ADARB2: variants seen among roughly 807,000 people sequenced by gnomAD.
ADARB2 encodes the protein inactive double-stranded RNA-specific editase B2.
Under a neutral mutation model 62.2 loss-of-function variants are expected in ADARB2, and 25 were observed. The observed-to-expected ratio is 0.40, with a 90% CI of 0.29 to 0.56. ADARB2 has a LOEUF of 0.56. ADARB2 is among the 20% of genes least tolerant of loss of function. The pLI is 0.43. For missense variants in ADARB2, 1,071 were observed against 1,077.4 expected (o/e 0.99, Z 0.08); for synonymous variants, 572 against 500.8 (o/e 1.14, Z -1.90).
intron 3 of ADARB2, among the ~76,000 whole-genome samples, chr10:1,274,768 CCAGTCATA>C (rs749559797): frequency 1.3e-5 from 2 of 152,212 alleles, no homozygotes; most frequent in Non-Finnish European, 2.9e-5. Flanking sequence ...AGCAACGCAA[CCAGTCATA>C]CAGCAGGGGG....
At chr10:1,345,027 C>A (rs1214612421) in intron 3 of ADARB2, among the ~76,000 whole-genome samples, 1 of 152,144 alleles carries the variant, frequency 6.6e-6, no homozygotes, top group Non-Finnish European at 1.5e-5. Flanking sequence ...CAGAAGGGCA[C>A]ATGGAGGAAA....
chr10:1,615,125 T>A (rs548478704), intron 1 of ADARB2, among the ~76,000 whole-genome samples: 9 of 152,312 alleles, frequency 5.9e-5, no homozygotes, highest in African/African-American at 2.2e-4. Context: ...ATTTTTTTGC[T>A]ATTAGAAAAT....
chr10:1,338,621 T>A (rs1442964383), intron 3 of ADARB2, among the ~76,000 whole-genome samples: 1 of 152,184 alleles, frequency 6.6e-6, no homozygotes, highest in East Asian at 1.9e-4. Context: ...ATTAGGCAAT[T>A]TCTGTCTGTT....
chr10:1,520,366 A>G (rs780721604), intron 1 of ADARB2, among the ~76,000 whole-genome samples: 7 of 152,232 alleles, frequency 4.6e-5, no homozygotes. Context: ...AGAAGCACTT[A>G]TATCTGGCTG....
chr10:1,562,982 T>G (rs1269007319), intron 1 of ADARB2, among the ~76,000 whole-genome samples: 1 of 152,258 alleles, frequency 6.6e-6, no homozygotes, highest in Non-Finnish European at 1.5e-5. Context: ...CTTCTCATGC[T>G]GAGCTCCCGC....
intron 5 of ADARB2, among the ~76,000 whole-genome samples, chr10:1,239,953 T>TCCCCTCTGCCTCCCGGTGTTC (rs1830892973): frequency 4.9e-4 from 1 of 2,032 alleles, no homozygotes; most frequent in Non-Finnish European, 8.2e-4. Context: ...TCCCGGTGTT[T>TCCCCTCTGCCTCCCGGTGTTC]ACTCCCCTCT....
intron 4 of ADARB2, among the ~76,000 whole-genome samples, chr10:1,262,884 A>G (rs989581655): frequency 4.6e-5 from 7 of 152,156 alleles, no homozygotes; most frequent in African/African-American, 1.7e-4. Flanking sequence ...ACCAAGCCAT[A>G]TGTCCAACAA....
At chr10:1,625,432 G>T (rs1833754883) in intron 1 of ADARB2, among the ~76,000 whole-genome samples, 1 of 152,252 alleles carries the variant, frequency 6.6e-6, no homozygotes, top group Admixed American at 6.5e-5. Context: ...CTTGGCGCTG[G>T]TGGGGTGTTT....
At chr10:1,375,636 C>T (rs577395430) in intron 2 of ADARB2, among the ~76,000 whole-genome samples, 1 of 152,370 alleles carries the variant, frequency 6.6e-6, no homozygotes, top group African/African-American at 2.4e-5. Flanking sequence ...CACACAGACT[C>T]ACAGGGTGTG....
At chr10:1,672,222 T>C (rs1834395216) in intron 1 of ADARB2, among the ~76,000 whole-genome samples, 1 of 152,174 alleles carries the variant, frequency 6.6e-6, no homozygotes, top group Admixed American at 6.5e-5. Context: ...GCCCCGTCTT[T>C]CAACCTCCTT....
At chr10:1,278,976 A>T (rs562675463) in intron 3 of ADARB2, among the ~76,000 whole-genome samples, 36 of 152,338 alleles carry the variant, frequency 2.4e-4, no homozygotes, top group African/African-American at 7.7e-4. Flanking sequence ...ACTCTCAAGG[A>T]TGAATTATCT....
intron 5 of ADARB2, chr10:1,240,664 C>G (rs1445182845): frequency 6.6e-6 from 1 of 152,314 alleles, no homozygotes; most frequent in Non-Finnish European, 1.5e-5. Context: ...CTCCCCCTCC[C>G]CTGTGCTGGT....
chr10:1,473,210 T>A (rs1356409054), intron 1 of ADARB2, among the ~76,000 whole-genome samples: 2 of 152,154 alleles, frequency 1.3e-5, no homozygotes, highest in Non-Finnish European at 2.9e-5. Context: ...AGATTTTAAA[T>A]AAACTCTCAC....
chr10:1,485,132 A>G (rs1831524120), intron 1 of ADARB2, among the ~76,000 whole-genome samples: 1 of 151,904 alleles, frequency 6.6e-6, no homozygotes, highest in Non-Finnish European at 1.5e-5. Flanking sequence ...CTGTGTAGGT[A>G]TGTAGGTGGA....
chr10:1,319,600 TATATC>T (rs150275042), intron 3 of ADARB2, among the ~76,000 whole-genome samples: 6,003 of 152,338 alleles, frequency 0.039, 132 homozygotes, highest in South Asian at 0.082. Flanking sequence ...AAATTCCTCT[TATATC>T]AGAACTTGAA....
At chr10:1,483,722 T>C (rs1012927953) in intron 1 of ADARB2, among the ~76,000 whole-genome samples, 1 of 64,656 alleles carries the variant, frequency 1.5e-5, no homozygotes, top group Non-Finnish European at 3.3e-5. Flanking sequence ...ATTTAGCATT[T>C]ACAGGTTTAA....
intron 1 of ADARB2, among the ~76,000 whole-genome samples, chr10:1,659,525 C>T (rs916721853): frequency 2.3e-4 from 35 of 152,378 alleles, no homozygotes; most frequent in Middle Eastern, 6.8e-3. Context: ...GCCCCACTGC[C>T]GGCCCCGGTC....
intron 1 of ADARB2, among the ~76,000 whole-genome samples, chr10:1,544,308 C>T (rs554070192): frequency 2.6e-5 from 4 of 152,362 alleles, no homozygotes; most frequent in East Asian, 1.9e-4. Context: ...TGGTCACCAC[C>T]TGGTGGGCAG....
chr10:1,658,990 C>T (rs145201377), intron 1 of ADARB2, among the ~76,000 whole-genome samples: 13 of 152,302 alleles, frequency 8.5e-5, no homozygotes, highest in Admixed American at 2.6e-4. Flanking sequence ...TGAATTCACT[C>T]AAGTTGTGGT....
Sources: gnomAD v4.1 joint callset for allele counts (sites outside exome capture counted in the v4.1 genomes callset) on GRCh38, gnomAD v4.1.1 for gene constraint, MANE v1.5 for transcripts, NCBI Gene and HGNC (gene_info 2026-07-23, HGNC 2026-07-21) for gene names.